The following CFAP47 variants were observed in gnomAD, a reference collection of about 807,000 sequenced individuals.
The protein encoded by CFAP47 is cilia- and flagella-associated protein 47.
A neutral mutation model predicts 148.1 loss-of-function variants in CFAP47; 29 were observed. That is an observed-to-expected ratio of 0.20 (90% CI 0.15 to 0.27). The LOEUF (loss-of-function observed/expected upper bound fraction) is 0.27, where lower values mean the gene tolerates loss of function less well. CFAP47 is among the 10% of genes least tolerant of loss of function. The pLI, the probability that CFAP47 is intolerant of heterozygous loss-of-function variation, is 1.00. For synonymous variants in CFAP47, 664 were observed against 577.3 expected, an observed-to-expected ratio of 1.15 and a Z score of -2.15; for missense variants, 1,872 against 1,697.5, an observed-to-expected ratio of 1.10 and a Z score of -1.81.
At chrX:36,280,427 C>A (rs1941065487) in intron 49 of CFAP47, 60 bp from the exon 50 acceptor site, 1 of 409,819 alleles carries the variant, frequency 2.4e-6, no homozygotes, top group African/African-American at 2.5e-5. Context: ...CTGTAGCTTA[C>A]CTTTTGTTTC....
rs1556007778 is a variant in CFAP47 at position 36,301,213 on chromosome X, G to A, written c.7970+34G>A. On this transcript the variant is annotated intron_variant, in intron 53 of 63. Transcript: ENST00000378653. ...TACTTAATAGATAAAGTTATTGCTT[G>A]CAAGAAAAATAGTTAATCTATTACA... is the stretch of plus-strand genomic sequence containing the variant. 4 of 801,191 alleles carry A rather than the reference G, an allele frequency of 5.0e-6. No homozygotes were observed. In the South Asian group the frequency reaches 9.8e-5, roughly 20 times the overall value. The allele number at this position is 801,191 out of a possible 1,213,427, so 66.0% of individuals were successfully genotyped here.
intron 18 of CFAP47, among the ~76,000 whole-genome samples, chrX:35,996,311 A>G (rs180892410): frequency 4.2e-4 from 47 of 111,720 alleles, no homozygotes; most frequent in Non-Finnish European, 1.9e-5. Context: ...TATGTATTAT[A>G]TACTCTGAAT....
chrX:36,278,788 A>T (rs782676453), intron 49 of CFAP47, among the ~76,000 whole-genome samples: 1 of 112,560 alleles, frequency 8.9e-6, no homozygotes, highest in Non-Finnish European at 1.9e-5. Context: ...TATGTTTTAC[A>T]TTCTGTTTTA....
chrX:36,014,334 T>A (rs1937073616), intron 21 of CFAP47, among the ~76,000 whole-genome samples: 1 of 111,825 alleles, frequency 8.9e-6, no homozygotes, highest in East Asian at 2.8e-4. Context: ...AATGGGTTTT[T>A]GACTTATACT....
intron 42 of CFAP47, among the ~76,000 whole-genome samples, chrX:36,191,710 G>T (rs1419425918): frequency 1.8e-5 from 2 of 111,277 alleles, no homozygotes; most frequent in Non-Finnish European, 3.8e-5. Flanking sequence ...TTGGCCGGGC[G>T]CAGTGACTCA....
intron 30 of CFAP47, among the ~76,000 whole-genome samples, chrX:36,095,406 T>C (rs1308494579): frequency 8.9e-6 from 1 of 112,318 alleles, no homozygotes; most frequent in Non-Finnish European, 1.9e-5. Context: ...ATATAATGAT[T>C]TTGGAAGAAT....
intron 22 of CFAP47, 78 bp from the exon 23 acceptor site, chrX:36,031,175 G>T (rs1380861750): frequency 1.5e-5 from 4 of 272,971 alleles, no homozygotes; most frequent in African/African-American, 8.4e-5. Flanking sequence ...ATTGTTTAGT[G>T]TTTTAAAGTA....
chrX:36,259,917 A>C (rs1250201372), intron 49 of CFAP47, among the ~76,000 whole-genome samples: 1 of 110,921 alleles, frequency 9.0e-6, no homozygotes, highest in African/African-American at 3.3e-5. Flanking sequence ...CTTTGTGCCC[A>C]TGTCTATTCA....
intron 45 of CFAP47, among the ~76,000 whole-genome samples, chrX:36,212,445 G>A (rs1014871738): frequency 1.8e-5 from 2 of 111,470 alleles, no homozygotes; most frequent in Non-Finnish European, 3.8e-5. Flanking sequence ...AGAAGCCTAC[G>A]GGCCTTCTGA....
chrX:36,047,709 C>T (rs150614102), intron 26 of CFAP47, among the ~76,000 whole-genome samples: 1,849 of 111,695 alleles, frequency 0.017, 44 homozygotes, highest in African/African-American at 0.057. Flanking sequence ...AGAGTATGTT[C>T]TCTATGTGCT....
intron 40 of CFAP47, among the ~76,000 whole-genome samples, chrX:36,183,047 C>T (rs982559288): frequency 2.3e-4 from 26 of 112,677 alleles, no homozygotes; most frequent in African/African-American, 6.8e-4. Context: ...TGCTGGCTCA[C>T]GCCTGTAATC....
chrX:36,176,251 C>T (rs1182881982), intron 39 of CFAP47, among the ~76,000 whole-genome samples: 1 of 111,870 alleles, frequency 8.9e-6, no homozygotes, highest in Non-Finnish European at 1.9e-5. Flanking sequence ...ATGCAGAAAT[C>T]ACCCATCTTC....
At chrX:36,015,870 A>G (rs997192840) in intron 22 of CFAP47, among the ~76,000 whole-genome samples, 2 of 112,132 alleles carry the variant, frequency 1.8e-5, no homozygotes, top group African/African-American at 6.4e-5. Context: ...AAATTCAAAT[A>G]TTTAAAGTGT....
rs774868268 is a variant in CFAP47 at position 36,179,843 on chromosome X, A to G, written c.6104+421A>G. The stretch of plus-strand genomic sequence containing the variant: ...TCAGAAGTATCAGATGGCTTTCCTG[A>G]CACTGCCCCAATAAAAGGCATCAGA... On this transcript the variant is annotated intron_variant, in intron 40 of 63. Coordinates refer to ENST00000378653, the MANE Select transcript of CFAP47 (RefSeq NM_001304548.2). Among the ~76,000 whole-genome samples the G allele has an allele frequency of 3.6e-5, 4 of 110,767 alleles. No homozygotes were observed. In the South Asian group the frequency reaches 1.5e-3, roughly 43 times the overall value.
At chrX:36,185,664 TAA>T (rs1939798829) in intron 40 of CFAP47, among the ~76,000 whole-genome samples, 1 of 112,088 alleles carries the variant, frequency 8.9e-6, no homozygotes, top group Admixed American at 9.5e-5. Flanking sequence ...CTGGATGGTT[TAA>T]ATAACACAAA....
At chrX:36,295,348 G>A (rs1941232462) in intron 51 of CFAP47, among the ~76,000 whole-genome samples, 1 of 112,196 alleles carries the variant, frequency 8.9e-6, no homozygotes, top group African/African-American at 3.2e-5. Flanking sequence ...TATTTCAAAC[G>A]TTTTTATAGC....
intron 18 of CFAP47, 75 bp downstream of exon 18, chrX:35,993,396 A>G (rs1353062533): frequency 1.1e-5 from 3 of 279,222 alleles, no homozygotes; most frequent in Non-Finnish European, 1.3e-5. Flanking sequence ...CTTATCTATA[A>G]TGGTAGGTAT....
At position 35,951,375 on chromosome X, in the gene CFAP47, G is replaced by A. The variant is rs746211462; in HGVS notation, c.885+16G>A. 38 of 1,008,471 alleles carry A rather than the reference G, an allele frequency of 3.8e-5. No homozygotes were observed. The South Asian group carries it at 6.3e-4, about 17-fold the overall frequency. 83.1% of individuals were successfully genotyped at this position (1,008,471 alleles called of 1,213,427 possible). ...AGAAGAATTGGTAAGTAAGTGGTGCGACAGGGATATCAGATATTATGACTT... is the reference window on the plus strand; with the variant it reads ...AGAAGAATTGGTAAGTAAGTGGTGCAACAGGGATATCAGATATTATGACTT... On this transcript the variant is annotated intron_variant, in intron 5 of 63. Coordinates refer to ENST00000378653, the MANE Select transcript of CFAP47 (RefSeq NM_001304548.2).
chrX:36,368,156 C>G (rs917829588), intron 62 of CFAP47: 100 of 111,703 alleles, frequency 9.0e-4, no homozygotes, highest in African/African-American at 3.2e-3. Flanking sequence ...TAAACTGGGA[C>G]AGATCTGAGC....
Sources: allele counts gnomAD v4.1 joint callset (sites outside exome capture counted in the v4.1 genomes callset), GRCh38; gene constraint gnomAD v4.1.1; transcripts MANE v1.5; gene names NCBI Gene and HGNC (gene_info 2026-07-23, HGNC 2026-07-21).